The following SOX7 variants were observed in gnomAD, a reference collection of about 807,000 sequenced individuals.
SOX7 encodes the protein SRY-box transcription factor 7, also known as transcription factor SOX-7.
A neutral mutation model predicts 24.9 loss-of-function variants in SOX7; 19 were observed. The ratio of observed to expected loss-of-function variants is 0.76; its 90% CI spans 0.53 to 1.12. The LOEUF (loss-of-function observed/expected upper bound fraction) is 1.12, where lower values mean the gene tolerates loss of function less well. Among genes scored for constraint, SOX7 ranks in the 50% most tolerant of loss-of-function variants. The pLI, the probability that SOX7 is intolerant of heterozygous loss-of-function variation, is 0.00. For synonymous variants in SOX7, 327 were observed against 244.5 expected, an observed-to-expected ratio of 1.34 and a Z score of -3.15; for missense variants, 702 against 535.0, an observed-to-expected ratio of 1.31 and a Z score of -3.08.
chr8:10,730,425 C>T lies in SOX7; in HGVS notation c.9G>A (p.Ser3=), dbSNP rs750957212. ...CGGGCCAAGGGTAGGCTCCCAGCAG[C>T]GAAGCCATGGCCGCACGCGGGTCGC... The part of the protein sequence containing the change: MA[S]LLGAYPWPEG... The change falls in exon 1 of 2, where the codon TCG becomes TCA. Residue 3 remains serine, a synonymous_variant. Transcript: ENST00000304501. The surrounding 1 kb of genome is among the most constrained non-coding windows in gnomAD (Gnocchi z 4.8). 1.4e-6 allele frequency: 2 copies of T among 1,479,676 alleles called. No homozygotes were observed. The highest frequency in any genetic ancestry group is 2.7e-5 in the South Asian group (2 of 73,034). The allele number at this position is 1,479,676 out of a possible 1,614,324, so 91.7% of individuals were successfully genotyped here. A position where few individuals can be genotyped will look rare whatever the true frequency, so the allele number is the denominator to read the frequency against.
In SOX7 at chr8:10,730,145, G is replaced by GC; in HGVS notation, c.238+50dup. 2 of 1,306,000 alleles carry GC rather than the reference G, an allele frequency of 1.5e-6. No homozygotes were observed. The highest frequency in any genetic ancestry group is 2.0e-6 in the Non-Finnish European group (2 of 1,010,100). The allele number at this position is 1,306,000 out of a possible 1,614,324, so 80.9% of individuals were successfully genotyped here. On this transcript the variant is annotated intron_variant, in intron 1 of 1. Coordinates refer to ENST00000304501, the MANE Select transcript of SOX7 (RefSeq NM_031439.4). This position sits in a 1 kb window ranked among gnomAD's most constrained non-coding sequence, Gnocchi z 4.8. Reference sequence around the variant, plus strand: ...CACCCGCCCTGCAGTGCCGCCAGCCGCCCGCCGCCCGCCCCCGGCCCCCAG... The same window carrying GC: ...CACCCGCCCTGCAGTGCCGCCAGCCGCCCCGCCGCCCGCCCCCGGCCCCCAG...
chr8:10,725,547 C>T lies in SOX7; in HGVS notation c.*191G>A, dbSNP rs901416563. 3 of 610,320 alleles carry T rather than the reference C, an allele frequency of 4.9e-6. No homozygotes were observed. In the Admixed American group the frequency reaches 8.9e-5, roughly 18 times the overall value. The allele number at this position is 610,320 out of a possible 1,614,324, so 37.8% of individuals were successfully genotyped here. On this transcript the variant is annotated 3_prime_UTR_variant, in exon 2 of 2. Transcript: ENST00000304501. Reference sequence around the variant, plus strand: ...AAAATGTGGGCTGCAGGGGCTGGAACGTGGGGAAGGGGATAGAGGCGGCAC... The same window carrying T: ...AAAATGTGGGCTGCAGGGGCTGGAATGTGGGGAAGGGGATAGAGGCGGCAC...
Position 10,724,135 on chromosome 8 carries a change from C to A in SOX7, c.*1603G>T, listed in dbSNP as rs1342099961. ...CATACAGGAAATAATATGCTAAAAT[C>A]AAAAAACCAACAACTGTCTTTCAGC... On this transcript the variant is annotated 3_prime_UTR_variant, in exon 2 of 2. Coordinates refer to ENST00000304501, the MANE Select transcript of SOX7 (RefSeq NM_031439.4). 1.3e-5 allele frequency: 2 copies of A among 152,002 alleles called. No individual in the cohort carries two copies. Among genetic ancestry groups the A allele is most frequent in the African/African-American group, 2.4e-5 (1 of 41,384 alleles). 9.4% of individuals were successfully genotyped at this position (152,002 alleles called of 1,614,324 possible).
Position 10,723,961 on chromosome 8 carries a change from A to G in SOX7, c.*1777T>C, listed in dbSNP as rs1800094532. The G allele has an allele frequency of 6.6e-6, 1 of 152,618 alleles. No individual in the cohort carries two copies. Among genetic ancestry groups the G allele is most frequent in the African/African-American group, 2.4e-5 (1 of 41,458 alleles). 9.5% of individuals were successfully genotyped at this position (152,618 alleles called of 1,614,324 possible). On this transcript the variant is annotated 3_prime_UTR_variant, in exon 2 of 2. Transcript: ENST00000304501. Reference sequence around the variant, plus strand: ...TCATATCATCAACAATTTACTATTTATTACCAAATGGCATATAAAGTAATA... The same window carrying G: ...TCATATCATCAACAATTTACTATTTGTTACCAAATGGCATATAAAGTAATA...
In SOX7 at chr8:10,730,351, G is replaced by A. The variant is rs1800237576; in HGVS notation, c.83C>T (p.Ser28Leu). 2 of 1,565,514 alleles carry A rather than the reference G, an allele frequency of 1.3e-6. No individual in the cohort carries two copies. Among genetic ancestry groups the A allele is most frequent in the Admixed American group, 2.0e-5 (1 of 51,278 alleles). ...CGGGGGCCGGGGGACGGCCGGCGGC[G>A]ATTGTCCATCCGACAGCTCGGCGTC... ...ALDAELSDGQ[S>L]PPAVPRPPGD... is the part of the protein sequence containing the mutation. The change falls in exon 1 of 2, where the codon TCG becomes TTG. Residue 28 changes from serine (S) to leucine (L), a missense_variant. Coordinates refer to ENST00000304501, the MANE Select transcript of SOX7 (RefSeq NM_031439.4). This position sits in a 1 kb window ranked among gnomAD's most constrained non-coding sequence, Gnocchi z 4.8.
Position 10,730,333 on chromosome 8 carries a change from CG to C in SOX7, c.100del (p.Arg34GlyfsTer16), listed in dbSNP as rs1481543265. ...SDGQSPPAVP[R>X]PPGDKGSESR... Reference sequence around the variant, plus strand: ...CTCGGAGCCCTTGTCCCCCGGGGGCCGGGGGACGGCCGGCGGCGATTGTCCA... The same window carrying C: ...CTCGGAGCCCTTGTCCCCCGGGGGCCGGGGACGGCCGGCGGCGATTGTCCA... On this transcript the variant is annotated frameshift_variant, in exon 1 of 2. Transcript: ENST00000304501. LOFTEE classifies it high-confidence loss of function. This position sits in a 1 kb window ranked among gnomAD's most constrained non-coding sequence, Gnocchi z 4.8. The C allele has an allele frequency of 5.1e-6, 8 of 1,566,366 alleles. No homozygotes were observed. The Admixed American group carries it at 5.8e-5, about 11-fold the overall frequency.
chr8:10,726,595 G>A lies in SOX7; in HGVS notation c.310C>T (p.Gln104Ter), dbSNP rs1323974912. Residue 104 changes from glutamine (Q) to a stop codon, truncating the protein, a stop_gained, in exon 2 of 2, where the codon CAG (glutamine) becomes TAG (stop). Coordinates refer to ENST00000304501, the MANE Select transcript of SOX7 (RefSeq NM_031439.4). LOFTEE classifies it high-confidence loss of function. The part of the protein sequence containing the change: ...YVDEAERLRL[Q>*]HMQDYPNYKY... Reference sequence around the variant, plus strand: ...TAGTTGGGGTAGTCCTGCATGTGCTGCAGGCGCAGCCGCTCCGCCTCGTCC... The same window carrying A: ...TAGTTGGGGTAGTCCTGCATGTGCTACAGGCGCAGCCGCTCCGCCTCGTCC... 4 of 1,609,270 alleles carry A rather than the reference G, an allele frequency of 2.5e-6. No homozygotes were observed. The highest frequency in any genetic ancestry group is 3.4e-6 in the Non-Finnish European group (4 of 1,179,726).
In SOX7 at chr8:10,726,608, C is replaced by T; in HGVS notation, c.297G>A (p.Glu99=). Residue 99 remains glutamate, a synonymous_variant, in exon 2 of 2, where the codon GAG becomes GAA. Transcript: ENST00000304501. ...SQKRPYVDEA[E]RLRLQHMQDY... ...CCTGCATGTGCTGCAGGCGCAGCCG[C>T]TCCGCCTCGTCCACGTACGGCCTCT... 1.2e-6 allele frequency: 2 copies of T among 1,607,464 alleles called. No homozygotes were observed. Among genetic ancestry groups the T allele is most frequent in the South Asian group, 1.1e-5 (1 of 90,962 alleles).
intron 1 of SOX7, among the ~76,000 whole-genome samples, chr8:10,729,985 C>T (rs1207148539): frequency 1.3e-5 from 2 of 151,988 alleles, no homozygotes; most frequent in Non-Finnish European, 2.9e-5. Flanking sequence ...CGCGGTTTCA[C>T]TTTGGACCGC....
chr8:10,725,830 G>A lies in SOX7; in HGVS notation c.1075C>T (p.Gln359Ter). 3.1e-6 allele frequency: 5 copies of A among 1,614,228 alleles called. No homozygotes were observed. The highest frequency in any genetic ancestry group is 4.2e-6 in the Non-Finnish European group (5 of 1,180,032). ...TCTGTGGGACCCGTTGGTGTCACCT[G>A]GGAGACCGGAACATGCCCACTGAGG... ...MALSGHVPVS[Q>*]VTPTGPTETS... The change falls in exon 2 of 2, where the codon CAG becomes TAG. Residue 359 changes from glutamine to a stop codon, truncating the protein, a stop_gained. Coordinates refer to ENST00000304501, the MANE Select transcript of SOX7 (RefSeq NM_031439.4). LOFTEE classifies it high-confidence loss of function.
Position 10,730,299 on chromosome 8 carries a change from G to A in SOX7, c.135C>T (p.Ile45=). The A allele has an allele frequency of 1.3e-6, 2 of 1,580,574 alleles. No homozygotes were observed. The highest frequency in any genetic ancestry group is 1.7e-6 in the Non-Finnish European group (2 of 1,165,412). ...CCATGAAGGCGTTCATGGGCCGCCG[G>A]ATACGGCTCTCGGAGCCCTTGTCCC... ...PPGDKGSESR[I]RRPMNAFMVW... Residue 45 remains isoleucine, a synonymous_variant, in exon 1 of 2, where the codon ATC becomes ATT. Coordinates refer to ENST00000304501, the MANE Select transcript of SOX7 (RefSeq NM_031439.4). The surrounding 1 kb of genome is among the most constrained non-coding windows in gnomAD (Gnocchi z 4.8).
rs1139843 is a variant in SOX7, at chr8:10,724,587, C to G, written c.*1151G>C. ...CTTTTAGGTACCCTGGGTCTTTGGTCATTAGAAACAGGGAGTTGGCAACAA... is the reference window on the plus strand; with the variant it reads ...CTTTTAGGTACCCTGGGTCTTTGGTGATTAGAAACAGGGAGTTGGCAACAA... On this transcript the variant is annotated 3_prime_UTR_variant, in exon 2 of 2. Coordinates refer to ENST00000304501, the MANE Select transcript of SOX7 (RefSeq NM_031439.4). 24,589 of 152,010 alleles carry G rather than the reference C, an allele frequency of 0.16. 2,949 individuals carry two copies. Among genetic ancestry groups the G allele is most frequent in the African/African-American group, 0.34 (14,003 of 41,414 alleles). The allele number at this position is 152,010 out of a possible 1,614,324, so 9.4% of individuals were successfully genotyped here.
Position 10,724,491 on chromosome 8 carries a change from C to A in SOX7, c.*1247G>T, listed in dbSNP as rs1200983659. On this transcript the variant is annotated 3_prime_UTR_variant, in exon 2 of 2. Coordinates refer to ENST00000304501, the MANE Select transcript of SOX7 (RefSeq NM_031439.4). ...GCTGGAGACAGCCGGGAAGGAAGCA[C>A]CTTTTGAATCTACAGAGGGGAAAGT... The A allele has an allele frequency of 6.6e-6, 1 of 152,258 alleles. No individual in the cohort carries two copies. The highest frequency in any genetic ancestry group is 2.1e-4 in the South Asian group (1 of 4,830). 9.4% of individuals were successfully genotyped at this position (152,258 alleles called of 1,614,324 possible).
chr8:10,730,281 G>A lies in SOX7; in HGVS notation c.153C>T (p.Ala51=). ...TCTCGTCCTTGGCCCAAACCATGAA[G>A]GCGTTCATGGGCCGCCGGATACGGC... is the stretch of plus-strand genomic sequence containing the variant. ...SESRIRRPMN[A]FMVWAKDERK... The change falls in exon 1 of 2, where the codon GCC becomes GCT. Residue 51 remains alanine (A), a synonymous_variant. Transcript: ENST00000304501. This position sits in a 1 kb window ranked among gnomAD's most constrained non-coding sequence, Gnocchi z 4.8. 1.3e-6 allele frequency: 2 copies of A among 1,581,586 alleles called. No individual in the cohort carries two copies. The highest frequency in any genetic ancestry group is 1.7e-6 in the Non-Finnish European group (2 of 1,165,632).
rs1445112757 is a variant in SOX7, at chr8:10,725,990, C to G, written c.915G>C (p.Pro305=). Residue 305 remains proline, a synonymous_variant, in exon 2 of 2, where the codon CCG becomes CCC. Transcript: ENST00000304501. ...NLQAHLGQLS[P]PPEHPGFDAL... is the part of the protein sequence containing the mutation. Reference sequence around the variant, plus strand: ...CGTCGAAGCCAGGGTGCTCAGGAGGCGGGGAAAGCTGGCCCAGGTGGGCTT... The same window carrying G: ...CGTCGAAGCCAGGGTGCTCAGGAGGGGGGGAAAGCTGGCCCAGGTGGGCTT... The G allele has an allele frequency of 1.2e-6, 2 of 1,600,258 alleles. No homozygotes were observed. The highest frequency in any genetic ancestry group is 1.7e-6 in the Non-Finnish European group (2 of 1,171,900).
At chr8:10,728,383 C>A (rs1800195695) in intron 1 of SOX7, among the ~76,000 whole-genome samples, 1 of 152,172 alleles carries the variant, frequency 6.6e-6, no homozygotes, top group Admixed American at 6.5e-5. Flanking sequence ...GCATATCCAG[C>A]CTTTTCCTCT....
rs776186767 is a variant in SOX7, at chr8:10,730,390, T to G, written c.44A>C (p.Glu15Ala). 1 of 1,524,364 alleles carries G rather than the reference T, an allele frequency of 6.6e-7. No individual in the cohort carries two copies. Among genetic ancestry groups the G allele is most frequent in the East Asian group, 2.7e-5 (1 of 37,614 alleles). 94.4% of individuals were successfully genotyped at this position (1,524,364 alleles called of 1,614,324 possible). A position where few individuals can be genotyped will look rare whatever the true frequency, so the allele number is the denominator to read the frequency against. ...CAGCTCGGCGTCCAGGGCCGGGCAC[T>G]CGAGACCCTCGGGCCAAGGGTAGGC... ...LGAYPWPEGL[E>A]CPALDAELSD... is the part of the protein sequence containing the mutation. The change falls in exon 1 of 2, where the codon GAG becomes GCG. Residue 15 changes from glutamate (E) to alanine (A), a missense_variant. Physicochemically the swap from Glu to Ala is moderately radical, Grantham distance 107 (BLOSUM62 -1). Coordinates refer to ENST00000304501, the MANE Select transcript of SOX7 (RefSeq NM_031439.4). The surrounding 1 kb of genome is among the most constrained non-coding windows in gnomAD (Gnocchi z 4.8).
In SOX7 at chr8:10,730,389, C is replaced by G; in HGVS notation, c.45G>C (p.Glu15Asp). 1 of 1,524,588 alleles carries G rather than the reference C, an allele frequency of 6.6e-7. No homozygotes were observed. The highest frequency in any genetic ancestry group is 2.7e-5 in the East Asian group (1 of 37,648). 94.4% of individuals were successfully genotyped at this position (1,524,588 alleles called of 1,614,324 possible). A position where few individuals can be genotyped will look rare whatever the true frequency, so the allele number is the denominator to read the frequency against. The change falls in exon 1 of 2, where the codon GAG becomes GAC. Residue 15 changes from glutamate (E) to aspartate (D), a missense_variant. Transcript: ENST00000304501. This position sits in a 1 kb window ranked among gnomAD's most constrained non-coding sequence, Gnocchi z 4.8. ...LGAYPWPEGL[E>D]CPALDAELSD... Reference sequence around the variant, plus strand: ...ACAGCTCGGCGTCCAGGGCCGGGCACTCGAGACCCTCGGGCCAAGGGTAGG... The same window carrying G: ...ACAGCTCGGCGTCCAGGGCCGGGCAGTCGAGACCCTCGGGCCAAGGGTAGG...
chr8:10,729,697 G>C (rs77559077), intron 1 of SOX7: 2,210 of 152,390 alleles, frequency 0.015, 28 homozygotes, highest in Middle Eastern at 0.031. Context: ...CGTTCCTCAG[G>C]GTCTCTCTTC....
Sources: gnomAD v4.1 joint callset for allele counts (sites outside exome capture counted in the v4.1 genomes callset) on GRCh38, gnomAD v4.1.1 for gene constraint, Gnocchi (gnomAD v3.1) non-coding constraint, MANE v1.5 for transcripts, NCBI Gene and HGNC (gene_info 2026-07-23, HGNC 2026-07-21) for gene names.